PGM1: variants seen among roughly 807,000 people sequenced by gnomAD.
PGM1 encodes phosphoglucomutase 1.
A neutral mutation model predicts 55.6 loss-of-function variants in PGM1; 52 were observed. The observed-to-expected ratio is 0.94, with a 90% confidence interval of 0.75 to 1.18. PGM1 has a LOEUF of 1.18. Among genes scored for constraint, PGM1 ranks in the 50% most tolerant of loss-of-function variants. The probability of loss-of-function intolerance (pLI) is 0.00; values close to 1 mark genes in which losing one functional copy is unlikely to be tolerated. For missense variants in PGM1, 724 were observed against 729.3 expected (o/e 0.99, Z 0.08); for synonymous variants, 287 against 271.7 (o/e 1.06, Z -0.55).
chr1:63,606,970 G>T (rs1226863613), intron 1 of PGM1, among the ~76,000 whole-genome samples: 1 of 152,114 alleles, frequency 6.6e-6, no homozygotes, highest in Non-Finnish European at 1.5e-5. Flanking sequence ...CTTTATTGAG[G>T]TATGATTCAC....
chr1:63,612,853 G>A (rs1375495017), intron 1 of PGM1, among the ~76,000 whole-genome samples: 1 of 152,200 alleles, frequency 6.6e-6, no homozygotes, highest in Non-Finnish European at 1.5e-5. Context: ...GTGATTAGGG[G>A]AGTAATTTTC....
Position 63,646,257 on chromosome 1 carries a change from A to C in PGM1, c.1145-2260A>C, listed in dbSNP as rs7527189. 8.7e-3 allele frequency among the ~76,000 whole-genome samples: 1,326 copies of C among 152,314 alleles called. 18 individuals carry two copies. The highest frequency in any genetic ancestry group is 0.03 in the African/African-American group (1,267 of 41,566). ...CATAGGATAATGTGAGAGCATGATT[A>C]TAGAGCAATTGTGTACAGTTCTATT... On this transcript the variant is annotated intron_variant, in intron 7 of 10. Coordinates refer to ENST00000371084, the MANE Select transcript of PGM1 (RefSeq NM_002633.3).
chr1:63,627,058 C>A lies in PGM1; in HGVS notation c.247-2367C>A, dbSNP rs1052332149. 2.4e-5 allele frequency among the ~76,000 whole-genome samples: 3 copies of A among 123,130 alleles called. 1 individual carries two copies. Among genetic ancestry groups the A allele is most frequent in the Admixed American group, 1.6e-4 (2 of 12,582 alleles). The allele number at this position is 123,130 out of a possible 152,430, so 80.8% of individuals were successfully genotyped here. A position where few individuals can be genotyped will look rare whatever the true frequency, so the allele number is the denominator to read the frequency against. On this transcript the variant is annotated intron_variant, in intron 1 of 10. Transcript: ENST00000371084. The stretch of plus-strand genomic sequence containing the variant: ...ATCTTGTGGCATATGGCAGGACCCC[C>A]CCCCCCCCACACACACACACACTTT...
At chr1:63,656,306 A>G (rs1649964371) in intron 10 of PGM1, among the ~76,000 whole-genome samples, 1 of 152,214 alleles carries the variant, frequency 6.6e-6, no homozygotes, top group South Asian at 2.1e-4. Context: ...TGTGGAGAAA[A>G]GGGAACCATC....
intron 1 of PGM1, among the ~76,000 whole-genome samples, chr1:63,628,142 G>A (rs981631755): frequency 1.3e-5 from 2 of 152,170 alleles, no homozygotes; most frequent in Non-Finnish European, 2.9e-5. Context: ...AAGTACCATG[G>A]GATGTAGAAA....
chr1:63,654,619 T>G (rs573010967), intron 10 of PGM1, among the ~76,000 whole-genome samples, 153 bp downstream of exon 10: 197 of 152,192 alleles, frequency 1.3e-3, no homozygotes, highest in African/African-American at 4.6e-3. Context: ...CATGTCAACA[T>G]TATAGATAAT....
intron 1 of PGM1, among the ~76,000 whole-genome samples, chr1:63,615,525 C>CCATTTCT: frequency 6.8e-6 from 1 of 146,666 alleles, no homozygotes; most frequent in South Asian, 2.2e-4. Context: ...AATAACCTCA[C>CCATTTCT]CATTTCTCTC....
At chr1:63,625,862 A>T (rs1352305364) in intron 1 of PGM1, among the ~76,000 whole-genome samples, 2 of 152,136 alleles carry the variant, frequency 1.3e-5, no homozygotes, top group Admixed American at 6.5e-5. Context: ...TAGAATATTG[A>T]TATCTCATTC....
At chr1:63,647,256 T>TTATATATA (rs1649670948) in intron 7 of PGM1, among the ~76,000 whole-genome samples, 7 of 51,600 alleles carry the variant, frequency 1.4e-4, no homozygotes, top group African/African-American at 2.5e-4. Context: ...AAATAAAATT[T>TTATATATA]TACATATATA....
chr1:63,630,198 C>G (rs991122844), intron 3 of PGM1, 110 bp downstream of exon 3: 8 of 1,091,320 alleles, frequency 7.3e-6, no homozygotes, highest in Non-Finnish European at 1.1e-5. Context: ...TCCGTGAGTG[C>G]TCTGTAAGCT....
chr1:63,600,254 C>G (rs1648204394), intron 1 of PGM1: 1 of 152,182 alleles, frequency 6.6e-6, no homozygotes, highest in East Asian at 1.9e-4. Flanking sequence ...CTTGGCTTCA[C>G]TAATGCTCTT....
intron 1 of PGM1, chr1:63,594,042 T>C: frequency 9.2e-7 from 1 of 1,084,240 alleles, no homozygotes; most frequent in Non-Finnish European, 1.1e-6. Flanking sequence ...GCCTTCCCTC[T>C]CCCCGTCCCC....
intron 1 of PGM1, among the ~76,000 whole-genome samples, chr1:63,618,278 T>C (rs916498698): frequency 6.6e-6 from 1 of 152,246 alleles, no homozygotes; most frequent in Non-Finnish European, 1.5e-5. Context: ...TAGTATACTG[T>C]CTGCATGTGA....
At chr1:63,648,368 C>G in intron 7 of PGM1, 149 bp from the exon 8 acceptor site, 1 of 821,522 alleles carries the variant, frequency 1.2e-6, no homozygotes, top group South Asian at 1.5e-5. Context: ...CAAGGGGGAA[C>G]TTTGTCCCCC....
intron 1 of PGM1, among the ~76,000 whole-genome samples, chr1:63,615,071 CCTT>C (rs1648673775): frequency 6.6e-6 from 1 of 152,312 alleles, no homozygotes; most frequent in South Asian, 2.1e-4. Context: ...TTTAAATCCT[CCTT>C]CTGCTACCTG....
Position 63,643,309 on chromosome 1 carries a change from G to A in PGM1, c.1144+4509G>A, listed in dbSNP as rs186585982. 3.7e-3 allele frequency among the ~76,000 whole-genome samples: 563 copies of A among 152,328 alleles called. 4 individuals carry two copies. The highest frequency in any genetic ancestry group is 0.019 in the South Asian group (90 of 4,828). ...TCTGTGAGGGCAGGGGATACGCCTTGTGCATCTTGGTATCTTCTTATGTGC... is the reference window on the plus strand; with the variant it reads ...TCTGTGAGGGCAGGGGATACGCCTTATGCATCTTGGTATCTTCTTATGTGC... On this transcript the variant is annotated intron_variant, in intron 7 of 10. Coordinates refer to ENST00000371084, the MANE Select transcript of PGM1 (RefSeq NM_002633.3).
chr1:63,599,443 C>T (rs1242707447), intron 1 of PGM1, among the ~76,000 whole-genome samples: 1 of 151,778 alleles, frequency 6.6e-6, no homozygotes, highest in Non-Finnish European at 1.5e-5. Flanking sequence ...GGATTACAGG[C>T]GTGAGCCACC....
rs398122912 is a variant in PGM1 at position 63,629,539 on chromosome 1, G to C, written c.361G>C (p.Gly121Arg). 3 of 1,613,600 alleles carry C rather than the reference G, an allele frequency of 1.9e-6. No homozygotes were observed. The highest frequency in any genetic ancestry group is 1.3e-5 in the African/African-American group (1 of 74,998). Residue 121 changes from glycine (G) to arginine (R), a missense_variant, in exon 2 of 11, where the codon GGG becomes CGG. Gly to Arg is a moderately radical substitution (Grantham distance 125). Around this residue, in one of 3 missense-constraint regions of PGM1, gnomAD observed 379 missense variants for 357.5 expected, o/e 1.06. Coordinates refer to ENST00000371084, the MANE Select transcript of PGM1 (RefSeq NM_002633.3). ...CATTCTGACAGCCAGTCACAACCCAGGGGGCCCCAATGGAGATTTTGGAAT... is the reference window on the plus strand; with the variant it reads ...CATTCTGACAGCCAGTCACAACCCACGGGGCCCCAATGGAGATTTTGGAAT... Reference protein sequence around the residue: ...GIILTASHNPGGPNGDFGIKF... With the variant: ...GIILTASHNPRGPNGDFGIKF...
At position 63,634,808 on chromosome 1, in the gene PGM1, T is replaced by C. The variant is rs1489338468; in HGVS notation, c.683-21T>C. The C allele has an allele frequency of 1.9e-6, 3 of 1,600,884 alleles. 1 individual carries two copies. The South Asian group carries it at 3.3e-5, about 18-fold the overall frequency. ...GTTTTATTTTCTGATTCTGCATACATTTATTCCATGCTGTATATAGTTGTG... is the reference window on the plus strand; with the variant it reads ...GTTTTATTTTCTGATTCTGCATACACTTATTCCATGCTGTATATAGTTGTG... On this transcript the variant is annotated intron_variant, in intron 4 of 10. Transcript: ENST00000371084.
Sources: allele counts gnomAD v4.1 joint callset (sites outside exome capture counted in the v4.1 genomes callset), GRCh38; gene constraint gnomAD v4.1.1; regional missense constraint gnomAD v4.1.1; transcripts MANE v1.5; gene names NCBI Gene and HGNC (gene_info 2026-07-23, HGNC 2026-07-21).